MAN1C1: variants seen among roughly 807,000 people sequenced by gnomAD.
MAN1C1 encodes the protein mannosidase alpha class 1C member 1, also known as mannosyl-oligosaccharide 1,2-alpha-mannosidase IC.
Under a neutral mutation model 71.5 loss-of-function variants are expected in MAN1C1, and 49 were observed. That is an observed-to-expected ratio of 0.69 (90% CI 0.54 to 0.87). MAN1C1 has a LOEUF of 0.87. Ranked by LOEUF, MAN1C1 falls within the 40% of genes least tolerant of loss-of-function variation. MAN1C1 has a pLI of 0.00. For missense variants in MAN1C1, 743 were observed against 835.0 expected (o/e 0.89, Z 1.36); for synonymous variants, 352 against 343.7 (o/e 1.02, Z -0.27).
intron 1 of MAN1C1, among the ~76,000 whole-genome samples, chr1:25,625,237 T>C (rs2045276589): frequency 6.6e-6 from 1 of 152,096 alleles, no homozygotes; most frequent in East Asian, 1.9e-4. Context: ...ACTCCTAACC[T>C]CAGGTGATCC....
At chr1:25,773,774 G>A (rs1381300394) in intron 8 of MAN1C1, among the ~76,000 whole-genome samples, 1 of 152,232 alleles carries the variant, frequency 6.6e-6, no homozygotes, top group Non-Finnish European at 1.5e-5. Flanking sequence ...GAATAGAAGA[G>A]GCTTTGCTCT....
chr1:25,631,107 G>A lies in MAN1C1; in HGVS notation c.540+12770G>A, dbSNP rs2045372805. The stretch of plus-strand genomic sequence containing the variant: ...AGCCTCCTGAGCAGCTGGGATTACA[G>A]GCATGTACCACCACGCCTGGTTAAT... On this transcript the variant is annotated intron_variant, in intron 1 of 11. Transcript: ENST00000374332. The surrounding 1 kb of genome is among the most constrained non-coding windows in gnomAD (Gnocchi z 4.2). Among the ~76,000 whole-genome samples the A allele has an allele frequency of 6.6e-6, 1 of 152,158 alleles. No individual in the cohort carries two copies. Among genetic ancestry groups the A allele is most frequent in the South Asian group, 2.1e-4 (1 of 4,820 alleles).
intron 2 of MAN1C1, among the ~76,000 whole-genome samples, chr1:25,712,414 A>G (rs1369360813): frequency 6.6e-6 from 1 of 152,214 alleles, no homozygotes; most frequent in East Asian, 1.9e-4. Flanking sequence ...GGAGCTTTCC[A>G]CAGCAGCCCC....
chr1:25,627,997 T>C (rs762481956), intron 1 of MAN1C1, among the ~76,000 whole-genome samples: 1 of 152,040 alleles, frequency 6.6e-6, no homozygotes, highest in Non-Finnish European at 1.5e-5. Context: ...CAGTGAGCCA[T>C]GATTGCAACA....
intron 4 of MAN1C1, among the ~76,000 whole-genome samples, chr1:25,752,738 G>A (rs754917778): frequency 5.9e-5 from 9 of 152,362 alleles, no homozygotes; most frequent in East Asian, 1.9e-4. Flanking sequence ...GGCAGGGGCC[G>A]TGAGGCCTGG....
chr1:25,645,523 C>G (rs1159414218), intron 1 of MAN1C1: 1 of 152,258 alleles, frequency 6.6e-6, no homozygotes, highest in Non-Finnish European at 1.5e-5. Context: ...CTTCATTGCT[C>G]TCGAGGAAAG....
chr1:25,768,610 C>T lies in MAN1C1; in HGVS notation c.1142-3047C>T, dbSNP rs572161453. On this transcript the variant is annotated intron_variant, in intron 7 of 11. Coordinates refer to ENST00000374332, the MANE Select transcript of MAN1C1 (RefSeq NM_020379.4). ...CACACACCCACACTCCCCTCACATA[C>T]ATCCACACTCCCCTCACACACACAA... 1.2e-4 allele frequency among the ~76,000 whole-genome samples: 14 copies of T among 116,088 alleles called. 1 individual carries two copies. Among genetic ancestry groups the T allele is most frequent in the Non-Finnish European group, 2.2e-4 (12 of 55,032 alleles). 76.2% of individuals were successfully genotyped at this position (116,088 alleles called of 152,430 possible).
chr1:25,685,210 C>G (rs2046213081), intron 1 of MAN1C1, among the ~76,000 whole-genome samples: 1 of 152,238 alleles, frequency 6.6e-6, no homozygotes, highest in Non-Finnish European at 1.5e-5. Context: ...CCTGCCTTGT[C>G]CCTTGCTAAA....
At chr1:25,768,412 A>C (rs985865561) in intron 7 of MAN1C1, among the ~76,000 whole-genome samples, 35 of 69,908 alleles carry the variant, frequency 5.0e-4, no homozygotes, top group African/African-American at 5.9e-4. Flanking sequence ...ACTCCCCTCA[A>C]ACACACCACA....
At chr1:25,669,543 G>A (rs1177405599) in intron 1 of MAN1C1, among the ~76,000 whole-genome samples, 1 of 152,070 alleles carries the variant, frequency 6.6e-6, no homozygotes, top group Non-Finnish European at 1.5e-5. Context: ...GAGGCAGGAG[G>A]ATCACTTGAA....
intron 1 of MAN1C1, among the ~76,000 whole-genome samples, chr1:25,684,676 T>C (rs1292839602): frequency 2.0e-5 from 3 of 152,222 alleles, no homozygotes; most frequent in African/African-American, 7.2e-5. Context: ...TATCCCTGTG[T>C]GCCTGGAAGA....
intron 4 of MAN1C1, 112 bp downstream of exon 4, chr1:25,749,447 G>A: frequency 2.1e-6 from 2 of 964,936 alleles, no homozygotes; most frequent in Non-Finnish European, 3.1e-6. Flanking sequence ...AGGGGGCAGG[G>A]ATGGGCCTGG....
At chr1:25,619,248 C>T (rs1188397076) in intron 1 of MAN1C1, among the ~76,000 whole-genome samples, 2 of 152,208 alleles carry the variant, frequency 1.3e-5, no homozygotes, top group Non-Finnish European at 2.9e-5. Flanking sequence ...ACCCCCAGGC[C>T]ACGAGGGGGC....
In MAN1C1 at chr1:25,749,301, G is replaced by T. The variant is rs748534947; in HGVS notation, c.800G>T (p.Gly267Val). 2 of 1,612,446 alleles carry T rather than the reference G, an allele frequency of 1.2e-6. No homozygotes were observed. The highest frequency in any genetic ancestry group is 8.5e-7 in the Non-Finnish European group (1 of 1,179,236). Reference protein sequence around the residue: ...LFEVNIRYIGGLLSAFYLTGE... With the variant: ...LFEVNIRYIGVLLSAFYLTGE... The stretch of plus-strand genomic sequence containing the variant: ...GAGGTGAACATCCGCTACATCGGGG[G>T]ACTCCTCTCAGCCTTCTACCTGACA... The change falls in exon 4 of 12, where the codon GGA becomes GTA. Residue 267 changes from glycine (G) to valine (V), a missense_variant. Physicochemically the swap from Gly to Val is moderately radical, Grantham distance 109. Transcript: ENST00000374332.
chr1:25,757,909 C>T (rs1016117642), intron 5 of MAN1C1, among the ~76,000 whole-genome samples: 108 of 152,210 alleles, frequency 7.1e-4, no homozygotes, highest in Non-Finnish European at 1.3e-3. Flanking sequence ...GCCTTGTTTA[C>T]CGCGTTTGCA....
chr1:25,631,122 G>A lies in MAN1C1; in HGVS notation c.540+12785G>A, dbSNP rs1420000728. ...TGGGATTACAGGCATGTACCACCAC[G>A]CCTGGTTAATTTTTTTTGTATTTTT... On this transcript the variant is annotated intron_variant, in intron 1 of 11. Transcript: ENST00000374332. This position sits in a 1 kb window ranked among gnomAD's most constrained non-coding sequence, Gnocchi z 4.2. Among the ~76,000 whole-genome samples the A allele has an allele frequency of 5.9e-5, 9 of 151,972 alleles. No homozygotes were observed. The highest frequency in any genetic ancestry group is 5.2e-4 in the Admixed American group (8 of 15,248).
At chr1:25,771,801 C>A in intron 8 of MAN1C1, 29 bp downstream of exon 8, 1 of 1,553,996 alleles carries the variant, frequency 6.4e-7, no homozygotes, top group Non-Finnish European at 8.9e-7. Flanking sequence ...TATTCACAGG[C>A]CGCTGGTCAC....
chr1:25,754,231 T>C (rs2047255328), intron 5 of MAN1C1, among the ~76,000 whole-genome samples: 1 of 152,202 alleles, frequency 6.6e-6, no homozygotes. Context: ...GACGTTCCAC[T>C]GCACCAGACT....
chr1:25,782,490 C>T lies in MAN1C1; in HGVS notation c.1651-95C>T. 1.3e-6 allele frequency: 1 copy of T among 786,166 alleles called. No homozygotes were observed. Among genetic ancestry groups the T allele is most frequent in the South Asian group, 1.6e-5 (1 of 63,478 alleles). The allele number at this position is 786,166 out of a possible 1,614,324, so 48.7% of individuals were successfully genotyped here. On this transcript the variant is annotated intron_variant, in intron 10 of 11. Transcript: ENST00000374332. This position sits in a 1 kb window ranked among gnomAD's most constrained non-coding sequence, Gnocchi z 4.4. ...AAGGGGTGGGGGTGCTGTCTGCTTTCTTCTAGCTCCAGCCTGCCAGGCATG... is the reference window on the plus strand; with the variant it reads ...AAGGGGTGGGGGTGCTGTCTGCTTTTTTCTAGCTCCAGCCTGCCAGGCATG...
Sources: allele counts gnomAD v4.1 joint callset (sites outside exome capture counted in the v4.1 genomes callset), GRCh38; gene constraint gnomAD v4.1.1; non-coding constraint Gnocchi (gnomAD v3.1); transcripts MANE v1.5; gene names NCBI Gene and HGNC (gene_info 2026-07-23, HGNC 2026-07-21).